ELFN2: variants seen among roughly 807,000 people sequenced by gnomAD.
ELFN2 encodes extracellular leucine rich repeat and fibronectin type III domain containing 2, also known as protein phosphatase 1 regulatory subunit 29.
ELFN2 carries 17 observed loss-of-function variants against 45.5 expected under a neutral mutation model. That is an observed-to-expected ratio of 0.37 (90% CI 0.26 to 0.56). The LOEUF is 0.56. ELFN2 is among the 20% of genes least tolerant of loss of function. The pLI is 0.77. For missense variants in ELFN2, 922 were observed against 1,183.2 expected, an observed-to-expected ratio of 0.78 and a Z score of 3.24; for synonymous variants, 550 against 551.5, an observed-to-expected ratio of 1.00 and a Z score of 0.04.
At chr22:37,350,947 C>T (rs1930808081) in intron 1 of ELFN2, among the ~76,000 whole-genome samples, 1 of 150,566 alleles carries the variant, frequency 6.6e-6, no homozygotes, top group Non-Finnish European at 1.5e-5. Context: ...GGAAACCAAG[C>T]TCTGCCCTCT....
chr22:37,410,033 A>G (rs1932606776), intron 2 of ELFN2, among the ~76,000 whole-genome samples: 1 of 152,136 alleles, frequency 6.6e-6, no homozygotes. Flanking sequence ...TTTTACACAT[A>G]CATGCTCCAA....
intron 2 of ELFN2, among the ~76,000 whole-genome samples, chr22:37,401,687 G>A (rs5756667): frequency 2.0e-5 from 3 of 151,872 alleles, no homozygotes; most frequent in Non-Finnish European, 4.4e-5. Context: ...CCTAGGAGGC[G>A]CGTGAGGTTT....
At chr22:37,419,307 G>A (rs1305327651) in intron 1 of ELFN2, among the ~76,000 whole-genome samples, 1 of 151,830 alleles carries the variant, frequency 6.6e-6, no homozygotes, top group Non-Finnish European at 1.5e-5. Context: ...GGATGGGAAA[G>A]CACCCCAGAG....
At chr22:37,425,870 T>TACAC (rs133723) in intron 1 of ELFN2, among the ~76,000 whole-genome samples, 5,388 of 145,658 alleles carry the variant, frequency 0.037, 100 homozygotes, top group Middle Eastern at 0.063. Flanking sequence ...CACATACACA[T>TACAC]ACACACACAC....
chr22:37,404,828 T>A (rs995765691), intron 2 of ELFN2, among the ~76,000 whole-genome samples: 1 of 152,136 alleles, frequency 6.6e-6, no homozygotes, highest in African/African-American at 2.4e-5. Context: ...AGCTATGGGA[T>A]CCTTGGCAAG....
chr22:37,411,877 G>T (rs961957209), intron 2 of ELFN2, among the ~76,000 whole-genome samples: 1 of 151,990 alleles, frequency 6.6e-6, no homozygotes, highest in Non-Finnish European at 1.5e-5. Flanking sequence ...TCAGGCGTGG[G>T]ATCTAACTCA....
intron 1 of ELFN2, among the ~76,000 whole-genome samples, chr22:37,361,440 T>C (rs1386920123): frequency 6.6e-6 from 1 of 151,494 alleles, no homozygotes; most frequent in Non-Finnish European, 1.5e-5. Flanking sequence ...TGGGCCCAAG[T>C]GACGCCATCT....
chr22:37,415,780 G>A (rs959590262), intron 2 of ELFN2, among the ~76,000 whole-genome samples: 11 of 152,182 alleles, frequency 7.2e-5, no homozygotes, highest in African/African-American at 9.7e-5. Flanking sequence ...GGCTAACACC[G>A]TGAAACTCCA....
chr22:37,388,106 G>A (rs933198163), intron 2 of ELFN2, among the ~76,000 whole-genome samples: 1 of 151,196 alleles, frequency 6.6e-6, no homozygotes, highest in African/African-American at 2.4e-5. Context: ...CCCACTCCAT[G>A]CCCCCTCCAC....
intron 1 of ELFN2, among the ~76,000 whole-genome samples, chr22:37,421,823 G>A (rs77651864): frequency 0.022 from 3,285 of 152,306 alleles, 118 homozygotes; most frequent in African/African-American, 0.076. Context: ...AATAAGACAG[G>A]CAATAGGCAG....
intron 2 of ELFN2, chr22:37,384,823 C>T (rs1316882542): frequency 1.3e-5 from 2 of 151,756 alleles, no homozygotes; most frequent in Non-Finnish European, 2.9e-5. Context: ...CTGGCCCCCT[C>T]AGCTGCAGCC....
chr22:37,375,742 G>T lies in ELFN2; in HGVS notation c.-208C>A, dbSNP rs1931561330. The T allele has an allele frequency of 1.6e-6, 1 of 626,932 alleles. No homozygotes were observed. Among genetic ancestry groups the T allele is most frequent in the African/African-American group, 1.9e-5 (1 of 51,868 alleles). 38.8% of individuals were successfully genotyped at this position (626,932 alleles called of 1,614,324 possible). ...GCAGGCACTAGGCCTGGCTAGGGCTGGGGGTGGGGGCCCCACAGCCTGCTC... is the reference window on the plus strand; with the variant it reads ...GCAGGCACTAGGCCTGGCTAGGGCTTGGGGTGGGGGCCCCACAGCCTGCTC... On this transcript the variant is annotated 5_prime_UTR_variant, in exon 3 of 3. Transcript: ENST00000402918.
At position 37,373,811 on chromosome 22, in the gene ELFN2, G is replaced by C. The variant is rs1385972055; in HGVS notation, c.1724C>G (p.Ala575Gly). The C allele has an allele frequency of 6.2e-7, 1 of 1,612,458 alleles. No homozygotes were observed. The highest frequency in any genetic ancestry group is 1.3e-5 in the African/African-American group (1 of 75,062). The change falls in exon 3 of 3, where the codon GCC becomes GGC. Residue 575 changes from alanine to glycine, a missense_variant. This residue lies in a region of ELFN2 where 564 missense variants were observed against 642.8 expected (regional missense o/e 0.88). Transcript: ENST00000402918. ...TGCAGGGAGGGACTGGCACTCGAAG[G>C]CCAGCTCGGGGTCCCCACTGCTGCT... ...GGSSSGDPEL[A>G]FECQSLPAAA...
chr22:37,391,615 T>C (rs940009850), intron 2 of ELFN2, among the ~76,000 whole-genome samples: 1 of 152,084 alleles, frequency 6.6e-6, no homozygotes, highest in African/African-American at 2.4e-5. Context: ...ACTCCCCAGA[T>C]ACAAGTCCAG....
At chr22:37,363,607 C>T (rs892834440), downstream of ELFN2, among the ~76,000 whole-genome samples, 1 of 152,154 alleles carries the variant, frequency 6.6e-6, no homozygotes, top group Non-Finnish European at 1.5e-5. Context: ...GCGCTGACAG[C>T]AGGCTGGGGC....
chr22:37,378,317 CGT>C (rs766445374), intron 2 of ELFN2, among the ~76,000 whole-genome samples: 5 of 152,208 alleles, frequency 3.3e-5, no homozygotes, highest in East Asian at 1.9e-4. Context: ...GTGTTCTACA[CGT>C]GTGTGTGCCT....
At chr22:37,347,641 A>AACACACAC (rs55967141) in intron 1 of ELFN2, among the ~76,000 whole-genome samples, 61 of 146,676 alleles carry the variant, frequency 4.2e-4, no homozygotes, top group Non-Finnish European at 5.6e-4. Context: ...TGGGTGGCAG[A>AACACACAC]ACACACACAC....
intron 2 of ELFN2, among the ~76,000 whole-genome samples, chr22:37,387,567 G>C (rs889514500): frequency 6.6e-6 from 1 of 152,066 alleles, no homozygotes; most frequent in Non-Finnish European, 1.5e-5. Flanking sequence ...TGGGCACCTC[G>C]TCCGCGCTGG....
At chr22:37,425,458 C>T (rs1374269002) in intron 1 of ELFN2, among the ~76,000 whole-genome samples, 2 of 152,200 alleles carry the variant, frequency 1.3e-5, no homozygotes, top group Non-Finnish European at 2.9e-5. Flanking sequence ...CTCCCCTTCC[C>T]ACCCCTCATA....
Sources: gnomAD v4.1 joint callset for allele counts (sites outside exome capture counted in the v4.1 genomes callset) on GRCh38, gnomAD v4.1.1 for gene constraint, gnomAD v4.1.1 regional missense constraint, MANE v1.5 for transcripts, NCBI Gene and HGNC (gene_info 2026-07-23, HGNC 2026-07-21) for gene names.